TMCC1: variants seen among roughly 807,000 people sequenced by gnomAD.
The protein encoded by TMCC1 is transmembrane and coiled-coil domain family 1, also known as transmembrane and coiled-coil domains protein 1.
In TMCC1, 15 loss-of-function variants were observed where a neutral mutation model predicts 52.4. That is an observed-to-expected ratio of 0.29 (90% CI 0.19 to 0.44). The LOEUF (loss-of-function observed/expected upper bound fraction) is 0.44. Ranked by LOEUF, TMCC1 falls within the 20% of genes least tolerant of loss-of-function variation. The probability of loss-of-function intolerance (pLI) is 1.00; values close to 1 mark genes in which losing one functional copy is unlikely to be tolerated. For missense variants in TMCC1, 503 were observed against 806.0 expected (o/e 0.62, Z 4.55); for synonymous variants, 279 against 301.9 (o/e 0.92, Z 0.79).
At chr3:129,863,699 T>C (rs2060497910) in intron 2 of TMCC1, among the ~76,000 whole-genome samples, 1 of 151,974 alleles carries the variant, frequency 6.6e-6, no homozygotes, top group Admixed American at 6.6e-5. Context: ...CCGTCTCTAC[T>C]AAAAATACAA....
intron 4 of TMCC1, among the ~76,000 whole-genome samples, chr3:129,770,729 C>T (rs2054503924): frequency 6.6e-6 from 1 of 152,118 alleles, no homozygotes. Flanking sequence ...AAAACATCAT[C>T]CATTTAGAGA....
intron 4 of TMCC1, among the ~76,000 whole-genome samples, chr3:129,776,194 G>A (rs186700920): frequency 1.0e-3 from 158 of 152,206 alleles, no homozygotes; most frequent in African/African-American, 3.4e-3. Context: ...TGTCTTTCTA[G>A]GACTTACCAG....
chr3:129,785,929 C>CT (rs1484522227), intron 4 of TMCC1, among the ~76,000 whole-genome samples: 1 of 66,510 alleles, frequency 1.5e-5, no homozygotes, highest in Non-Finnish European at 2.9e-5. Context: ...CTTACCCTCA[C>CT]CCCCTTTTTT....
intron 6 of TMCC1, among the ~76,000 whole-genome samples, chr3:129,654,472 A>T (rs1464383451): frequency 6.6e-6 from 1 of 152,206 alleles, no homozygotes; most frequent in Non-Finnish European, 1.5e-5. Context: ...TCCATATAGA[A>T]ATAAGAAAAA....
intron 4 of TMCC1, among the ~76,000 whole-genome samples, chr3:129,791,295 A>G (rs1056699815): frequency 2.6e-5 from 4 of 151,906 alleles, no homozygotes; most frequent in Admixed American, 6.6e-5. Flanking sequence ...GGGTTTCACC[A>G]TGTTAGCCAG....
intron 1 of TMCC1, among the ~76,000 whole-genome samples, chr3:129,889,541 A>G (rs1433566171): frequency 6.6e-6 from 1 of 152,234 alleles, no homozygotes; most frequent in African/African-American, 2.4e-5. Context: ...TAAGACGTTA[A>G]TAATATGGGA....
intron 2 of TMCC1, among the ~76,000 whole-genome samples, chr3:129,845,857 C>A (rs1278972476): frequency 6.6e-6 from 1 of 151,962 alleles, no homozygotes; most frequent in African/African-American, 2.4e-5. Flanking sequence ...CACAGGGAGA[C>A]CCTGTCTCTA....
chr3:129,823,831 A>G (rs2058537507), intron 4 of TMCC1, among the ~76,000 whole-genome samples: 1 of 152,222 alleles, frequency 6.6e-6, no homozygotes, highest in Non-Finnish European at 1.5e-5. Flanking sequence ...AGCTATTGAT[A>G]AAGTACCCAA....
intron 5 of TMCC1, among the ~76,000 whole-genome samples, chr3:129,669,511 C>T (rs372147398): frequency 6.6e-5 from 10 of 151,466 alleles, no homozygotes; most frequent in East Asian, 5.8e-4. Flanking sequence ...CTCGGCTCAC[C>T]GCAACCTCCA....
intron 2 of TMCC1, among the ~76,000 whole-genome samples, chr3:129,866,280 T>C (rs943045874): frequency 2.8e-5 from 4 of 145,332 alleles, no homozygotes; most frequent in Non-Finnish European, 6.0e-5. Context: ...ATAATATATA[T>C]ACATATATAC....
At chr3:129,779,702 T>C (rs1358950763) in intron 4 of TMCC1, among the ~76,000 whole-genome samples, 2 of 152,110 alleles carry the variant, frequency 1.3e-5, no homozygotes, top group Non-Finnish European at 2.9e-5. Context: ...AAACTGCCCA[T>C]CACGCCAACA....
intron 4 of TMCC1, among the ~76,000 whole-genome samples, chr3:129,796,651 C>G (rs2056848801): frequency 6.6e-6 from 1 of 152,110 alleles, no homozygotes; most frequent in Non-Finnish European, 1.5e-5. Flanking sequence ...TAGACCCTGT[C>G]TCTACAAAAA....
chr3:129,789,642 G>A (rs369393401), intron 4 of TMCC1, among the ~76,000 whole-genome samples: 1 of 152,026 alleles, frequency 6.6e-6, no homozygotes, highest in African/African-American at 2.4e-5. Flanking sequence ...AACCATGCCC[G>A]GCTAATTTTT....
chr3:129,807,648 AG>A (rs2057540911), intron 4 of TMCC1, among the ~76,000 whole-genome samples: 1 of 152,242 alleles, frequency 6.6e-6, no homozygotes, highest in African/African-American at 2.4e-5. Flanking sequence ...GTCAAGAATC[AG>A]AATGGCACCA....
chr3:129,848,931 A>G (rs2059788462), intron 2 of TMCC1, among the ~76,000 whole-genome samples: 1 of 151,872 alleles, frequency 6.6e-6, no homozygotes, highest in Non-Finnish European at 1.5e-5. Flanking sequence ...TGAGCAAATT[A>G]CTTGATTTCC....
chr3:129,788,669 C>T (rs370665354), intron 4 of TMCC1, among the ~76,000 whole-genome samples: 2 of 151,900 alleles, frequency 1.3e-5, no homozygotes, highest in South Asian at 2.1e-4. Context: ...GGGGTTTCAC[C>T]GTGTTAGCCA....
intron 4 of TMCC1, among the ~76,000 whole-genome samples, chr3:129,752,660 T>TCA (rs111582731): frequency 0.087 from 12,877 of 148,270 alleles, 703 homozygotes; most frequent in East Asian, 0.18. Context: ...AGCAAGACTG[T>TCA]CACACACACA....
At chr3:129,725,139 G>T (rs1348984279) in intron 4 of TMCC1, among the ~76,000 whole-genome samples, 1 of 152,012 alleles carries the variant, frequency 6.6e-6, no homozygotes, top group Non-Finnish European at 1.5e-5. Context: ...TTTGAGACAG[G>T]GTCTTGCTCT....
chr3:129,825,103 C>T (rs1026259829), intron 4 of TMCC1, among the ~76,000 whole-genome samples: 1 of 152,172 alleles, frequency 6.6e-6, no homozygotes, highest in Non-Finnish European at 1.5e-5. Context: ...CCCCTCACTT[C>T]CACCTACCAA....
Sources: gnomAD v4.1 joint callset for allele counts (sites outside exome capture counted in the v4.1 genomes callset) on GRCh38, gnomAD v4.1.1 for gene constraint, MANE v1.5 for transcripts, NCBI Gene and HGNC (gene_info 2026-07-23, HGNC 2026-07-21) for gene names.